The following FBXL7 variants were observed in gnomAD, a reference collection of about 807,000 sequenced individuals.
FBXL7 encodes the protein F-box/LRR-repeat protein 7.
A neutral mutation model predicts 38.3 loss-of-function variants in FBXL7; 12 were observed. The ratio of observed to expected loss-of-function variants is 0.31; its 90% CI spans 0.20 to 0.51. The LOEUF is 0.51. Ranked by LOEUF, FBXL7 falls within the 20% of genes least tolerant of loss-of-function variation. FBXL7 has a pLI of 0.98. For missense variants in FBXL7, 567 were observed against 676.4 expected, an observed-to-expected ratio of 0.84 and a Z score of 1.79; for synonymous variants, 297 against 300.9, an observed-to-expected ratio of 0.99 and a Z score of 0.13.
intron 2 of FBXL7, among the ~76,000 whole-genome samples, chr5:15,715,235 G>A (rs562372522): frequency 6.6e-6 from 1 of 152,038 alleles, no homozygotes; most frequent in Admixed American, 6.5e-5. Flanking sequence ...GCTCATGCCT[G>A]TAATCCCAGC....
At chr5:15,913,715 T>C (rs1731181059) in intron 2 of FBXL7, among the ~76,000 whole-genome samples, 1 of 152,232 alleles carries the variant, frequency 6.6e-6, no homozygotes, top group African/African-American at 2.4e-5. Flanking sequence ...CTACATAAAG[T>C]GCAACTCGAA....
At chr5:15,825,077 A>G (rs1738275334) in intron 2 of FBXL7, among the ~76,000 whole-genome samples, 1 of 152,232 alleles carries the variant, frequency 6.6e-6, no homozygotes. Context: ...TTTAAGCCAA[A>G]GTAAATAATA....
chr5:15,903,334 C>G (rs1039250458), intron 2 of FBXL7, among the ~76,000 whole-genome samples: 1 of 152,164 alleles, frequency 6.6e-6, no homozygotes, highest in African/African-American at 2.4e-5. Flanking sequence ...GACAGGTTCT[C>G]CACATCTTTC....
intron 1 of FBXL7, among the ~76,000 whole-genome samples, chr5:15,559,619 A>G (rs967594568): frequency 6.6e-6 from 1 of 152,194 alleles, no homozygotes; most frequent in Non-Finnish European, 1.5e-5. Context: ...CAAGGGACAA[A>G]AAAAGTTATT....
intron 2 of FBXL7, among the ~76,000 whole-genome samples, chr5:15,895,633 C>CTTTTTTTTTTT (rs903652361): frequency 1.0e-5 from 1 of 98,060 alleles, no homozygotes; most frequent in African/African-American, 4.2e-5. Flanking sequence ...CTTTTTCATA[C>CTTTTTTTTTTT]TTTTTTTTTT....
chr5:15,934,090 C>T (rs1459716256), intron 3 of FBXL7, among the ~76,000 whole-genome samples: 1 of 152,100 alleles, frequency 6.6e-6, no homozygotes, highest in African/African-American at 2.4e-5. Context: ...CTGCAACCTC[C>T]GCCTCCCAAG....
chr5:15,844,338 C>T (rs1005846510), intron 2 of FBXL7, among the ~76,000 whole-genome samples: 2 of 152,150 alleles, frequency 1.3e-5, no homozygotes, highest in Admixed American at 6.5e-5. Flanking sequence ...TCCAGAGATG[C>T]CCCCCGTGAA....
At chr5:15,646,345 T>C (rs1741534110) in intron 2 of FBXL7, among the ~76,000 whole-genome samples, 1 of 152,232 alleles carries the variant, frequency 6.6e-6, no homozygotes, top group African/African-American at 2.4e-5. Flanking sequence ...AGGATCTTGC[T>C]TGGGGTTCTA....
At chr5:15,564,528 T>C (rs1208856293) in intron 1 of FBXL7, among the ~76,000 whole-genome samples, 1 of 151,774 alleles carries the variant, frequency 6.6e-6, no homozygotes, top group Non-Finnish European at 1.5e-5. Flanking sequence ...TAAGTAGATA[T>C]ACACGCCCAA....
intron 1 of FBXL7, among the ~76,000 whole-genome samples, chr5:15,550,546 C>T (rs955064341): frequency 2.0e-5 from 3 of 152,188 alleles, no homozygotes; most frequent in African/African-American, 7.2e-5. Flanking sequence ...TTCTTTTCTT[C>T]CACAGATGCA....
At chr5:15,827,957 G>A (rs1039386880) in intron 2 of FBXL7, among the ~76,000 whole-genome samples, 4 of 152,188 alleles carry the variant, frequency 2.6e-5, no homozygotes, top group African/African-American at 9.7e-5. Context: ...CCTTGATCAA[G>A]CATTTGTCCT....
chr5:15,921,377 T>C (rs1418063450), intron 2 of FBXL7, among the ~76,000 whole-genome samples: 1 of 22,704 alleles, frequency 4.4e-5, no homozygotes, highest in Non-Finnish European at 8.7e-5. Flanking sequence ...CAAGACTCCA[T>C]CTCAAAAAAA....
At chr5:15,778,572 C>G (rs1736917371) in intron 2 of FBXL7, among the ~76,000 whole-genome samples, 1 of 152,096 alleles carries the variant, frequency 6.6e-6, no homozygotes, top group Non-Finnish European at 1.5e-5. Context: ...TGGTCAAGGT[C>G]CTAAGTGAGA....
intron 2 of FBXL7, among the ~76,000 whole-genome samples, chr5:15,647,587 A>T (rs552973806): frequency 6.6e-6 from 1 of 152,348 alleles, no homozygotes; most frequent in African/African-American, 2.4e-5. Flanking sequence ...TAGTGAATTA[A>T]TATAATTTAC....
chr5:15,722,934 A>AAAAACAAAAC (rs1460367361), intron 2 of FBXL7, among the ~76,000 whole-genome samples: 1 of 151,866 alleles, frequency 6.6e-6, no homozygotes, highest in Non-Finnish European at 1.5e-5. Flanking sequence ...AAAAAACAAA[A>AAAAACAAAAC]AAAAAAAGAG....
chr5:15,754,676 T>C (rs1736244366), intron 2 of FBXL7, among the ~76,000 whole-genome samples: 1 of 152,206 alleles, frequency 6.6e-6, no homozygotes, highest in Admixed American at 6.5e-5. Flanking sequence ...TTAAATAGGC[T>C]CTAGTTGTAT....
At chr5:15,885,099 C>T (rs1312885159) in intron 2 of FBXL7, among the ~76,000 whole-genome samples, 2 of 152,206 alleles carry the variant, frequency 1.3e-5, no homozygotes, top group East Asian at 3.9e-4. Context: ...TCTGGGACTG[C>T]AGTCATCTCA....
In FBXL7 at chr5:15,938,727, A is replaced by G. The variant is rs1262069982; in HGVS notation, c.*1541A>G. 3.0e-6 allele frequency: 1 copy of G among 333,224 alleles called. No homozygotes were observed. Among genetic ancestry groups the G allele is most frequent in the Non-Finnish European group, 5.4e-6 (1 of 185,916 alleles). The allele number at this position is 333,224 out of a possible 1,614,324, so 20.6% of individuals were successfully genotyped here. On this transcript the variant is annotated 3_prime_UTR_variant, in exon 4 of 4. Transcript: ENST00000504595. ...AGGAATACTAAAATCATTACAAGGT[A>G]TGGATTTTAAATGGATGAAACTTCA... is the stretch of plus-strand genomic sequence containing the variant.
chr5:15,645,947 C>T (rs1741517706), intron 2 of FBXL7, among the ~76,000 whole-genome samples: 1 of 152,164 alleles, frequency 6.6e-6, no homozygotes, highest in African/African-American at 2.4e-5. Context: ...CATGTGCGGC[C>T]AGTTGCTTCA....
Sources: gnomAD v4.1 joint callset for allele counts (sites outside exome capture counted in the v4.1 genomes callset) on GRCh38, gnomAD v4.1.1 for gene constraint, MANE v1.5 for transcripts, NCBI Gene and HGNC (gene_info 2026-07-23, HGNC 2026-07-21) for gene names.